CTNNA3: variants seen among roughly 807,000 people sequenced by gnomAD.
CTNNA3 encodes catenin alpha-3.
Under a neutral mutation model 95.7 loss-of-function variants are expected in CTNNA3, and 76 were observed. The ratio of observed to expected loss-of-function variants is 0.79; its 90% CI spans 0.66 to 0.96. CTNNA3 has a LOEUF of 0.96. CTNNA3 is among the 40% of genes least tolerant of loss of function. CTNNA3 has a pLI of 0.00. For synonymous variants in CTNNA3, 431 were observed against 374.4 expected, an observed-to-expected ratio of 1.15 and a Z score of -1.74; for missense variants, 1,191 against 1,089.8, an observed-to-expected ratio of 1.09 and a Z score of -1.31.
chr10:67,190,985 T>C (rs1161250795), intron 6 of CTNNA3, among the ~76,000 whole-genome samples: 3 of 151,910 alleles, frequency 2.0e-5, no homozygotes, highest in Admixed American at 6.6e-5. Flanking sequence ...AATAAGCATA[T>C]GAAAATAAGC....
chr10:66,307,009 G>A (rs2091944144), intron 12 of CTNNA3, among the ~76,000 whole-genome samples: 1 of 151,966 alleles, frequency 6.6e-6, no homozygotes, highest in South Asian at 2.1e-4. Context: ...TGCGTGTCAG[G>A]CACAACGGCA....
intron 7 of CTNNA3, among the ~76,000 whole-genome samples, chr10:67,163,164 T>A (rs1443277159): frequency 6.6e-6 from 1 of 151,870 alleles, no homozygotes; most frequent in East Asian, 1.9e-4. Flanking sequence ...ACAAAGATAT[T>A]ATAAGAAAAC....
chr10:65,935,982 T>C (rs998029947), intron 17 of CTNNA3, among the ~76,000 whole-genome samples: 1 of 152,118 alleles, frequency 6.6e-6, no homozygotes, highest in Non-Finnish European at 1.5e-5. Flanking sequence ...AGTGAGGTTT[T>C]TGCAACAGCA....
chr10:66,318,261 GAT>G (rs1554932044), intron 12 of CTNNA3, among the ~76,000 whole-genome samples: 2,516 of 137,502 alleles, frequency 0.018, 45 homozygotes, highest in Non-Finnish European at 0.027. Context: ...GTTGCTGGGA[GAT>G]ATATATATAT....
At chr10:66,091,279 T>C (rs1345860268) in intron 14 of CTNNA3, among the ~76,000 whole-genome samples, 2 of 151,874 alleles carry the variant, frequency 1.3e-5, no homozygotes, top group African/African-American at 4.8e-5. Flanking sequence ...CAAATGCCCA[T>C]TGTCTAAGTA....
intron 5 of CTNNA3, among the ~76,000 whole-genome samples, chr10:67,413,585 A>G (rs1845448945): frequency 6.6e-6 from 1 of 152,082 alleles, no homozygotes; most frequent in Admixed American, 6.5e-5. Flanking sequence ...CACTTGACCA[A>G]ATGGGCCTAT....
chr10:66,381,410 T>C (rs1410539205), intron 11 of CTNNA3, among the ~76,000 whole-genome samples: 8 of 152,222 alleles, frequency 5.3e-5, no homozygotes, highest in Non-Finnish European at 1.2e-4. Flanking sequence ...AGATTCTACC[T>C]GTGTTTTAAT....
intron 11 of CTNNA3, among the ~76,000 whole-genome samples, chr10:66,518,061 C>A (rs1840925731): frequency 6.6e-6 from 1 of 152,010 alleles, no homozygotes; most frequent in Non-Finnish European, 1.5e-5. Context: ...AACCCTAAAG[C>A]CAAGTATATC....
intron 12 of CTNNA3, among the ~76,000 whole-genome samples, chr10:66,326,966 T>C (rs1233430998): frequency 6.6e-6 from 1 of 152,074 alleles, no homozygotes; most frequent in African/African-American, 2.4e-5. Context: ...CATGTGCAAA[T>C]ACATAGAAAA....
intron 7 of CTNNA3, among the ~76,000 whole-genome samples, chr10:66,811,592 G>A (rs183425147): frequency 8.5e-5 from 13 of 152,210 alleles, no homozygotes; most frequent in Admixed American, 4.6e-4. Context: ...AACATTTAGC[G>A]TCTCTGGCTC....
chr10:67,092,257 T>C (rs556167691), intron 7 of CTNNA3, among the ~76,000 whole-genome samples: 3 of 151,980 alleles, frequency 2.0e-5, no homozygotes, highest in African/African-American at 7.2e-5. Flanking sequence ...AATGGGAAGA[T>C]TTCCCCTGTG....
intron 12 of CTNNA3, among the ~76,000 whole-genome samples, chr10:66,366,380 C>CAA (rs1250782012): frequency 2.6e-5 from 4 of 152,184 alleles, no homozygotes; most frequent in African/African-American, 9.7e-5. Context: ...TCTGACTGCA[C>CAA]AAATTCTATG....
At chr10:66,263,090 G>A (rs577100024) in intron 13 of CTNNA3, among the ~76,000 whole-genome samples, 2 of 152,118 alleles carry the variant, frequency 1.3e-5, no homozygotes, top group African/African-American at 2.4e-5. Flanking sequence ...CATACGGTTG[G>A]AAGAGGAAAC....
intron 7 of CTNNA3, chr10:67,099,528 A>T (rs560385962): frequency 6.6e-6 from 1 of 152,258 alleles, no homozygotes; most frequent in South Asian, 2.1e-4. Flanking sequence ...AGTTATATCT[A>T]TAAAATCTAG....
intron 10 of CTNNA3, among the ~76,000 whole-genome samples, chr10:66,523,776 C>T (rs963148838): frequency 2.0e-5 from 3 of 152,042 alleles, no homozygotes; most frequent in Non-Finnish European, 2.9e-5. Context: ...GTTTCTACTT[C>T]CAGTCTCTAT....
rs538143549 is a variant in CTNNA3 at position 67,400,095 on chromosome 10, G to A, written c.579+121747C>T. On this transcript the variant is annotated intron_variant, in intron 5 of 17. Coordinates refer to ENST00000433211, the MANE Select transcript of CTNNA3 (RefSeq NM_013266.4). ...CTCCCCCCACCCCACAACAGTCCCCGGTGTGTGATGTTCCCCTTCCTATGT... is the reference window on the plus strand; with the variant it reads ...CTCCCCCCACCCCACAACAGTCCCCAGTGTGTGATGTTCCCCTTCCTATGT... Among the ~76,000 whole-genome samples, 41 of 65,242 alleles carry A rather than the reference G, an allele frequency of 6.3e-4. No homozygotes were observed. In the East Asian group the frequency reaches 0.016, roughly 25 times the overall value. The allele number at this position is 65,242 out of a possible 152,430, so 42.8% of individuals were successfully genotyped here.
At chr10:67,189,942 C>T (rs1863043658) in intron 6 of CTNNA3, among the ~76,000 whole-genome samples, 1 of 152,008 alleles carries the variant, frequency 6.6e-6, no homozygotes. Context: ...GTATACCACC[C>T]ACAGAATGGA....
At chr10:67,632,005 T>C (rs1457479002) in intron 2 of CTNNA3, among the ~76,000 whole-genome samples, 1 of 152,154 alleles carries the variant, frequency 6.6e-6, no homozygotes, top group Admixed American at 6.5e-5. Context: ...TCAAAGGATA[T>C]AAAATTTCAG....
chr10:66,215,764 G>A (rs968295199), intron 13 of CTNNA3, among the ~76,000 whole-genome samples: 2 of 152,170 alleles, frequency 1.3e-5, no homozygotes, highest in Admixed American at 6.5e-5. Flanking sequence ...ATAGGCTTAT[G>A]TCATGATTAC....
Sources: allele counts gnomAD v4.1 joint callset (sites outside exome capture counted in the v4.1 genomes callset), GRCh38; gene constraint gnomAD v4.1.1; transcripts MANE v1.5; gene names NCBI Gene and HGNC (gene_info 2026-07-23, HGNC 2026-07-21).